Variants in DYRK1A observed in about 807,000 individuals in gnomAD.
DYRK1A encodes dual specificity tyrosine phosphorylation regulated kinase 1A, also known as dual specificity tyrosine-phosphorylation-regulated kinase 1A.
In DYRK1A, 9 loss-of-function variants were observed where a neutral mutation model predicts 79.7. The ratio of observed to expected loss-of-function variants is 0.11; its 90% CI spans 0.07 to 0.20. DYRK1A has a LOEUF of 0.20. Among genes scored for constraint, DYRK1A ranks in the 10% least tolerant of loss-of-function variants. DYRK1A has a pLI of 1.00. For synonymous variants in DYRK1A, 349 were observed against 329.7 expected, an observed-to-expected ratio of 1.06 and a Z score of -0.63; for missense variants, 622 against 956.0, an observed-to-expected ratio of 0.65 and a Z score of 4.61.
At position 37,505,360 on chromosome 21, in the gene DYRK1A, T is replaced by C. The variant is rs1479170345; in HGVS notation, c.1290T>C (p.Ala430=). The change falls in exon 10 of 12, where the codon GCT becomes GCC. Residue 430 remains alanine (A), a synonymous_variant. Coordinates refer to ENST00000647188, the MANE Select transcript of DYRK1A (RefSeq NM_001347721.2). ...VETGGPGGRR[A]GESGHTVADY... ...CAGGAGGACCTGGTGGGCGACGTGC[T>C]GGGGAGTCAGGTCATACGGTCGCTG... 1 of 1,614,012 alleles carries C rather than the reference T, an allele frequency of 6.2e-7. No homozygotes were observed. Among genetic ancestry groups the C allele is most frequent in the African/African-American group, 1.3e-5 (1 of 74,902 alleles).
At chr21:37,405,520 A>G (rs747902120) in intron 1 of DYRK1A, among the ~76,000 whole-genome samples, 4 of 151,910 alleles carry the variant, frequency 2.6e-5, no homozygotes, top group African/African-American at 9.7e-5. Context: ...CCACCCACCT[A>G]TTACTTTCTC....
At chr21:37,425,077 AGTCT>A (rs779923590) in intron 2 of DYRK1A, among the ~76,000 whole-genome samples, 30 of 152,272 alleles carry the variant, frequency 2.0e-4, no homozygotes, top group Admixed American at 3.9e-4. Context: ...AATAGTTTGG[AGTCT>A]GTCTTTCTAG....
At chr21:37,474,733 AT>A (rs1213140319) in intron 3 of DYRK1A, among the ~76,000 whole-genome samples, 2 of 152,248 alleles carry the variant, frequency 1.3e-5, no homozygotes, top group Non-Finnish European at 2.9e-5. Flanking sequence ...TTTCTTGTTA[AT>A]CATCCTATCA....
At chr21:37,424,636 G>C (rs2050568405) in intron 2 of DYRK1A, among the ~76,000 whole-genome samples, 1 of 152,168 alleles carries the variant, frequency 6.6e-6, no homozygotes, top group Admixed American at 6.5e-5. Flanking sequence ...AGGGTACTCA[G>C]AATGCTTTTG....
chr21:37,504,960 G>T (rs2053551678), intron 9 of DYRK1A: 2 of 234,628 alleles, frequency 8.5e-6, no homozygotes, highest in East Asian at 1.0e-4. Context: ...TTTGTTTTTG[G>T]TTGCTTGTTT....
In DYRK1A at chr21:37,524,563, C is replaced by G. The variant is rs763555280; in HGVS notation, c.*12032C>G. Reference sequence around the variant, plus strand: ...CAGAGAAAGTAAACTTGTTTATTGGCCTTTCCACGACAACAGTTGCTCAAA... The same window carrying G: ...CAGAGAAAGTAAACTTGTTTATTGGGCTTTCCACGACAACAGTTGCTCAAA... On this transcript the variant is annotated 3_prime_UTR_variant, in exon 12 of 12. Coordinates refer to ENST00000647188, the MANE Select transcript of DYRK1A (RefSeq NM_001347721.2). 6.6e-5 allele frequency: 10 copies of G among 152,184 alleles called. No individual in the cohort carries two copies. The highest frequency in any genetic ancestry group is 1.2e-4 in the Non-Finnish European group (8 of 68,040). The allele number at this position is 152,184 out of a possible 1,614,324, so 9.4% of individuals were successfully genotyped here. A position where few individuals can be genotyped will look rare whatever the true frequency, so the allele number is the denominator to read the frequency against.
At chr21:37,458,194 T>A (rs1324471444) in intron 2 of DYRK1A, among the ~76,000 whole-genome samples, 1 of 151,478 alleles carries the variant, frequency 6.6e-6, no homozygotes, top group Non-Finnish European at 1.5e-5. Flanking sequence ...GGAAGACAGC[T>A]GTAATATGCC....
chr21:37,482,783 C>T (rs2052699905), intron 5 of DYRK1A, among the ~76,000 whole-genome samples: 1 of 152,168 alleles, frequency 6.6e-6, no homozygotes, highest in South Asian at 2.1e-4. Context: ...GGGGCCATTT[C>T]AGAGACCTAC....
intron 1 of DYRK1A, among the ~76,000 whole-genome samples, chr21:37,413,245 T>A (rs148417863): frequency 1.4e-4 from 21 of 152,280 alleles, no homozygotes; most frequent in African/African-American, 5.1e-4. Context: ...TTTTGATTAT[T>A]TCTGGGCCTT....
In DYRK1A at chr21:37,512,614, GA is replaced by G; in HGVS notation, c.*85del. On this transcript the variant is annotated 3_prime_UTR_variant, in exon 12 of 12. Transcript: ENST00000647188. ...CCAAAAACAAAGTGCAAAGCTGCTT[GA>G]ATCAGGAGGAGATTAACACACTGAA... is the stretch of plus-strand genomic sequence containing the variant. The G allele has an allele frequency of 1.3e-6, 2 of 1,500,230 alleles. No individual in the cohort carries two copies. The highest frequency in any genetic ancestry group is 1.8e-6 in the Non-Finnish European group (2 of 1,109,066). 92.9% of individuals were successfully genotyped at this position (1,500,230 alleles called of 1,614,324 possible).
intron 1 of DYRK1A, among the ~76,000 whole-genome samples, chr21:37,403,300 A>C (rs1012368844): frequency 8.6e-5 from 13 of 152,006 alleles, no homozygotes; most frequent in Non-Finnish European, 2.9e-5. Flanking sequence ...AAATAATTCT[A>C]ATTCTTTGAA....
chr21:37,365,739 G>T (rs1000429782), upstream of DYRK1A: 1 of 152,328 alleles, frequency 6.6e-6, no homozygotes, highest in Admixed American at 6.5e-5. Flanking sequence ...GTATAGAAAA[G>T]AAAACCAGAG....
In DYRK1A at chr21:37,478,270, C is replaced by T. The variant is rs1347176827; in HGVS notation, c.270C>T (p.Asp90=). 20 of 1,613,876 alleles carry T rather than the reference C, an allele frequency of 1.2e-5. No individual in the cohort carries two copies. Among genetic ancestry groups the T allele is most frequent in the Non-Finnish European group, 1.7e-5 (20 of 1,179,814 alleles). ...ATAPLRKLSV[D]LIKTYKHINE... ...CTCCCCTGAGAAAACTTTCTGTTGA[C>T]TTGATCAAAACATACAAGCATATTA... Residue 90 remains aspartate (D), a synonymous_variant, in exon 4 of 12, where the codon GAC becomes GAT. Coordinates refer to ENST00000647188, the MANE Select transcript of DYRK1A (RefSeq NM_001347721.2).
chr21:37,411,857 A>C (rs549425329), intron 1 of DYRK1A, among the ~76,000 whole-genome samples: 1 of 152,204 alleles, frequency 6.6e-6, no homozygotes, highest in Non-Finnish European at 1.5e-5. Context: ...CATAACTACT[A>C]TTCTCTTTTT....
At chr21:37,492,716 G>T (rs989084571) in intron 7 of DYRK1A, among the ~76,000 whole-genome samples, 5 of 149,066 alleles carry the variant, frequency 3.4e-5, no homozygotes, top group African/African-American at 9.8e-5. Flanking sequence ...TTTCAATAGT[G>T]TTTTTTTTTT....
chr21:37,397,985 C>T (rs758792018), intron 1 of DYRK1A, among the ~76,000 whole-genome samples: 1 of 151,614 alleles, frequency 6.6e-6, no homozygotes, highest in East Asian at 1.9e-4. Flanking sequence ...CACCTGTAAT[C>T]CCAGCAAACT....
At chr21:37,484,402 C>T (rs949843807) in intron 5 of DYRK1A, among the ~76,000 whole-genome samples, 1 of 149,504 alleles carries the variant, frequency 6.7e-6, no homozygotes, top group African/African-American at 2.5e-5. Context: ...GATCTTGGCT[C>T]ATTGCACCCT....
intron 1 of DYRK1A, among the ~76,000 whole-genome samples, chr21:37,413,643 T>G (rs1038246241): frequency 6.6e-6 from 1 of 152,142 alleles, no homozygotes; most frequent in South Asian, 2.1e-4. Context: ...ATGTTCAGGT[T>G]AGTGAGGGAA....
chr21:37,506,753 G>A (rs1290472167), intron 11 of DYRK1A, among the ~76,000 whole-genome samples: 2 of 152,218 alleles, frequency 1.3e-5, no homozygotes, highest in African/African-American at 4.8e-5. Flanking sequence ...TGAAGCAGAT[G>A]GTGATGGTAA....
Sources: allele counts gnomAD v4.1 joint callset (sites outside exome capture counted in the v4.1 genomes callset), GRCh38; gene constraint gnomAD v4.1.1; transcripts MANE v1.5; gene names NCBI Gene and HGNC (gene_info 2026-07-23, HGNC 2026-07-21).